Variants in SPAG9 observed in about 807,000 individuals in gnomAD.
SPAG9 encodes the protein sperm associated antigen 9, also known as C-Jun-amino-terminal kinase-interacting protein 4.
SPAG9 carries 35 observed loss-of-function variants against 166.5 expected under a neutral mutation model. That is an observed-to-expected ratio of 0.21 (90% confidence interval 0.16 to 0.28). SPAG9 has a LOEUF of 0.28. SPAG9 is among the 10% of genes least tolerant of loss of function. The pLI is 1.00. For missense variants in SPAG9, 1,235 were observed against 1,603.3 expected (o/e 0.77, Z 3.92); for synonymous variants, 534 against 565.5 (o/e 0.94, Z 0.79).
chr17:50,984,349 G>T lies in SPAG9; in HGVS notation c.3088+574C>A, dbSNP rs569444153. On this transcript the variant is annotated intron_variant, in intron 24 of 29. Transcript: ENST00000262013. ...AAAAAACACCAAGTTTCTCCGAATT[G>T]CATAAGTATATGAATGAAAAACAAA... 5.9e-5 allele frequency among the ~76,000 whole-genome samples: 9 copies of T among 152,238 alleles called. No individual in the cohort carries two copies. The East Asian group carries it at 7.7e-4, about 13-fold the overall frequency.
At chr17:51,077,654 T>C (rs965081709) in intron 2 of SPAG9, among the ~76,000 whole-genome samples, 5 of 151,894 alleles carry the variant, frequency 3.3e-5, no homozygotes, top group Non-Finnish European at 5.9e-5. Flanking sequence ...AGATTTCAAA[T>C]TTTTTTATTC....
chr17:51,048,523 T>C (rs2144466507), intron 3 of SPAG9, among the ~76,000 whole-genome samples: 1 of 152,190 alleles, frequency 6.6e-6, no homozygotes, highest in Middle Eastern at 3.4e-3. Flanking sequence ...TAGAATAGCT[T>C]TGGAAGTCAC....
chr17:50,989,458 A>ATTTTTTT, intron 21 of SPAG9: 2 of 571,456 alleles, frequency 3.5e-6, no homozygotes, highest in Non-Finnish European at 3.1e-6. Flanking sequence ...TATAGATAAG[A>ATTTTTTT]TTTTTTTTTT....
intron 19 of SPAG9, 92 bp from the exon 20 acceptor site, chr17:50,990,760 T>C (rs1567970028): frequency 3.1e-6 from 3 of 978,190 alleles, no homozygotes; most frequent in Non-Finnish European, 4.7e-6. Context: ...ATGAGAGTTA[T>C]GCAGGTGAGA....
intron 3 of SPAG9, among the ~76,000 whole-genome samples, chr17:51,048,692 G>A (rs961353219): frequency 2.6e-5 from 4 of 151,806 alleles, no homozygotes; most frequent in Non-Finnish European, 4.4e-5. Context: ...ACAAATATTA[G>A]GAAATGTAAG....
intron 1 of SPAG9, among the ~76,000 whole-genome samples, chr17:51,088,923 C>T (rs572431910): frequency 2.0e-5 from 3 of 150,630 alleles, no homozygotes; most frequent in Admixed American, 2.0e-4. Flanking sequence ...TGCAACCCCG[C>T]ATCTACTAAA....
chr17:50,966,647 A>G (rs533045873), intron 29 of SPAG9, among the ~76,000 whole-genome samples: 9 of 152,346 alleles, frequency 5.9e-5, no homozygotes, highest in Middle Eastern at 3.4e-3. Context: ...CTACGTTAAA[A>G]AGCCACCCCA....
chr17:51,057,145 T>A (rs1025856210), intron 2 of SPAG9, among the ~76,000 whole-genome samples: 3 of 151,170 alleles, frequency 2.0e-5, no homozygotes, highest in African/African-American at 7.3e-5. Flanking sequence ...AAGGAAGAAA[T>A]TACAGTACTC....
At chr17:51,011,001 G>C (rs2045459937) in intron 9 of SPAG9, among the ~76,000 whole-genome samples, 1 of 152,104 alleles carries the variant, frequency 6.6e-6, no homozygotes, top group African/African-American at 2.4e-5. Flanking sequence ...AAAGGAAGCG[G>C]ATCCTGTTAA....
chr17:51,108,881 A>T (rs1299824544), intron 1 of SPAG9, among the ~76,000 whole-genome samples: 1 of 151,582 alleles, frequency 6.6e-6, no homozygotes, highest in Non-Finnish European at 1.5e-5. Context: ...CCCAGGCTGG[A>T]GTGCAATGGC....
chr17:51,110,099 A>G (rs2049064513), intron 1 of SPAG9, among the ~76,000 whole-genome samples: 2 of 152,180 alleles, frequency 1.3e-5, no homozygotes, highest in Non-Finnish European at 2.9e-5. Context: ...AAGTACTGAG[A>G]GGCAAAGTAT....
chr17:51,043,961 A>G (rs2046933056), intron 4 of SPAG9, among the ~76,000 whole-genome samples: 1 of 152,212 alleles, frequency 6.6e-6, no homozygotes, highest in African/African-American at 2.4e-5. Flanking sequence ...CAAAATCTAC[A>G]ACCCAAATTG....
chr17:51,092,317 A>C (rs1416287592), intron 1 of SPAG9, among the ~76,000 whole-genome samples: 1 of 146,618 alleles, frequency 6.8e-6, no homozygotes. Flanking sequence ...TTCTACAATA[A>C]ATGTCAAGTG....
intron 14 of SPAG9, among the ~76,000 whole-genome samples, chr17:50,998,877 A>G (rs984468274): frequency 5.3e-5 from 8 of 152,226 alleles, no homozygotes; most frequent in African/African-American, 1.9e-4. Context: ...AATGAAAGCA[A>G]GAAGCTCTTA....
intron 4 of SPAG9, among the ~76,000 whole-genome samples, chr17:51,046,250 C>A (rs2047016050): frequency 6.6e-6 from 1 of 152,182 alleles, no homozygotes; most frequent in Non-Finnish European, 1.5e-5. Flanking sequence ...TAAAACAAGA[C>A]CACACTGACC....
In SPAG9 at chr17:50,982,553, C is replaced by T. The variant is rs1974737941; in HGVS notation, c.3208G>A (p.Val1070Met). Residue 1070 changes from valine to methionine, a missense_variant, in exon 25 of 30, where the codon GTG (valine) becomes ATG (methionine). By Grantham distance (21) the Val-to-Met change is conservative (BLOSUM62 1). Coordinates refer to ENST00000262013, the MANE Select transcript of SPAG9 (RefSeq NM_001130528.3). Reference sequence around the variant, plus strand: ...ATTTTCATGGCCTTTGGCTGCACCACATAGATTTTGTTCCTATAGCCACAC... The same window carrying T: ...ATTTTCATGGCCTTTGGCTGCACCATATAGATTTTGTTCCTATAGCCACAC... Reference protein sequence around the residue: ...VWCGYRNKIYVVQPKAMKIEK... With the variant: ...VWCGYRNKIYMVQPKAMKIEK... 1 of 1,613,178 alleles carries T rather than the reference C, an allele frequency of 6.2e-7. No homozygotes were observed.
chr17:51,086,053 C>T (rs1012375732), intron 1 of SPAG9, among the ~76,000 whole-genome samples: 1 of 149,556 alleles, frequency 6.7e-6, no homozygotes, highest in Non-Finnish European at 1.5e-5. Context: ...ACTGCAACCT[C>T]CACCTCTTGG....
intron 16 of SPAG9, 59 bp downstream of exon 16, chr17:50,996,506 G>A (rs1277583595): frequency 7.5e-6 from 12 of 1,596,800 alleles, no homozygotes; most frequent in Admixed American, 1.7e-5. Context: ...TCATGCCCAC[G>A]CACACTCAAC....
intron 7 of SPAG9, 52 bp from the exon 8 acceptor site, chr17:51,020,310 A>C (rs549198956): frequency 8.3e-7 from 1 of 1,207,416 alleles, no homozygotes; most frequent in South Asian, 1.3e-5. Flanking sequence ...ACAGTACCCC[A>C]ATATAAAAAT....
Sources: gnomAD v4.1 joint callset for allele counts (sites outside exome capture counted in the v4.1 genomes callset) on GRCh38, gnomAD v4.1.1 for gene constraint, MANE v1.5 for transcripts, NCBI Gene and HGNC (gene_info 2026-07-23, HGNC 2026-07-21) for gene names.